Variants in ZNF91 observed in about 807,000 individuals in gnomAD.
The protein encoded by ZNF91 is zinc finger protein 91.
In ZNF91, 7 loss-of-function variants were observed where a neutral mutation model predicts 12.6. The observed-to-expected ratio is 0.55, with a 90% confidence interval of 0.31 to 1.04. ZNF91 has a LOEUF of 1.04. Ranked by LOEUF, ZNF91 falls within the 50% of genes least tolerant of loss-of-function variation. ZNF91 has a pLI of 0.05. For missense variants in ZNF91, 1,217 were observed against 1,385.4 expected (o/e 0.88, Z 1.93); for synonymous variants, 453 against 462.6 (o/e 0.98, Z 0.27).
At chr19:23,334,037 T>C (rs951661212), downstream of ZNF91, among the ~76,000 whole-genome samples, 1 of 152,228 alleles carries the variant, frequency 6.6e-6, no homozygotes, top group African/African-American at 2.4e-5. Flanking sequence ...AGTGGAGAAC[T>C]GGCAAGTGAA....
intron 1 of ZNF91, among the ~76,000 whole-genome samples, chr19:23,388,636 C>T (rs1969956379): frequency 6.6e-6 from 1 of 152,156 alleles, no homozygotes; most frequent in African/African-American, 2.4e-5. Context: ...CTTTGGGAGG[C>T]CAAGGCAGGC....
Position 23,360,553 on chromosome 19 carries a change from C to A in ZNF91, c.2426G>T (p.Arg809Leu), listed in dbSNP as rs755372276. 1 of 1,605,734 alleles carries A rather than the reference C, an allele frequency of 6.2e-7. No individual in the cohort carries two copies. The highest frequency in any genetic ancestry group is 8.5e-7 in the Non-Finnish European group (1 of 1,176,664). The change falls in exon 4 of 4, where the codon CGT becomes CTT. Residue 809 changes from arginine to leucine, a missense_variant. By Grantham distance (102) the Arg-to-Leu change is moderately radical (BLOSUM62 -2). This residue lies in a region of ZNF91 where 491 missense variants were observed against 489.8 expected (regional missense o/e 1.00). Coordinates refer to ENST00000300619, the MANE Select transcript of ZNF91 (RefSeq NM_003430.4). The stretch of plus-strand genomic sequence containing the variant: ...CTTATGCTTAGTAAGGGTTGAGGAA[C>A]GGCTAAAAGCTTTGCCACATTCTTC... ...KCEECGKAFS[R>L]SSTLTKHKTI...
At chr19:23,369,125 C>T (rs1379669930) in intron 3 of ZNF91, among the ~76,000 whole-genome samples, 3 of 152,210 alleles carry the variant, frequency 2.0e-5, no homozygotes, top group Middle Eastern at 3.4e-3. Context: ...GCCTGCTAAA[C>T]GTGGTGAAAC....
At chr19:23,332,722 A>G (rs949472197) in intron 1 of ZNF91, among the ~76,000 whole-genome samples, 9 of 152,224 alleles carry the variant, frequency 5.9e-5, no homozygotes, top group African/African-American at 1.2e-4. Flanking sequence ...ATTTGACGAC[A>G]TAAGTGGGAC....
At chr19:23,311,728 A>G (rs548804584), upstream of ZNF91, among the ~76,000 whole-genome samples, 54 of 152,104 alleles carry the variant, frequency 3.6e-4, no homozygotes, top group South Asian at 0.011. Context: ...AGCAGGTGAT[A>G]TAACTCTCTT....
intron 1 of ZNF91, among the ~76,000 whole-genome samples, chr19:23,384,340 T>A (rs1434417644): frequency 6.6e-6 from 1 of 152,018 alleles, no homozygotes; most frequent in African/African-American, 2.4e-5. Context: ...GGCAGTGCAC[T>A]CAGGTGGCCT....
At position 23,361,203 on chromosome 19, in the gene ZNF91, A is replaced by G. The variant is rs1821778065; in HGVS notation, c.1776T>C (p.His592=). The G allele has an allele frequency of 6.2e-7, 1 of 1,613,508 alleles. No homozygotes were observed. Among genetic ancestry groups the G allele is most frequent in the Non-Finnish European group, 8.5e-7 (1 of 1,179,762 alleles). The change falls in exon 4 of 4, where the codon CAT becomes CAC. Residue 592 remains histidine (H), a synonymous_variant. Coordinates refer to ENST00000300619, the MANE Select transcript of ZNF91 (RefSeq NM_003430.4). ...AFNHSSSLST[H]KIIHTGEKSY... ...ACTTCTCTCCAGTATGAATTATCTT[A>G]TGTGTAGAAAGACTTGAGGAATGAT...
rs1183812846 is a variant in ZNF91 at position 23,358,547 on chromosome 19, C to G, written c.*856G>C. The G allele has an allele frequency of 6.6e-6, 1 of 152,216 alleles. No individual in the cohort carries two copies. The highest frequency in any genetic ancestry group is 1.5e-5 in the Non-Finnish European group (1 of 68,052). 9.4% of individuals were successfully genotyped at this position (152,216 alleles called of 1,614,324 possible). A position where few individuals can be genotyped will look rare whatever the true frequency, so the allele number is the denominator to read the frequency against. On this transcript the variant is annotated 3_prime_UTR_variant, in exon 4 of 4. Coordinates refer to ENST00000300619, the MANE Select transcript of ZNF91 (RefSeq NM_003430.4). ...CAGTCGTTTGACAGTAATTACACTTCTTATTTAGTATGAACGCTCTGAATT... is the reference window on the plus strand; with the variant it reads ...CAGTCGTTTGACAGTAATTACACTTGTTATTTAGTATGAACGCTCTGAATT...
At chr19:23,332,216 A>G (rs1232337602) in intron 1 of ZNF91, among the ~76,000 whole-genome samples, 2 of 152,194 alleles carry the variant, frequency 1.3e-5, no homozygotes, top group Non-Finnish European at 2.9e-5. Flanking sequence ...AATAATCAAA[A>G]GTTGAACTTT....
At chr19:23,378,021 G>A (rs1034305274) in intron 1 of ZNF91, among the ~76,000 whole-genome samples, 2 of 152,168 alleles carry the variant, frequency 1.3e-5, no homozygotes, top group Non-Finnish European at 2.9e-5. Flanking sequence ...GAGGGATACA[G>A]ATAGAGTGTA....
chr19:23,344,187 C>T (rs1008808981), intron 3 of ZNF91, among the ~76,000 whole-genome samples: 3 of 152,088 alleles, frequency 2.0e-5, no homozygotes, highest in African/African-American at 2.4e-5. Flanking sequence ...CTCCACCTCT[C>T]GGGTTCACGC....
chr19:23,355,342 A>G (rs295372), downstream of ZNF91, among the ~76,000 whole-genome samples: 16,378 of 152,140 alleles, frequency 0.11, 1,367 homozygotes, highest in East Asian at 0.37. Flanking sequence ...GCAAACAAAA[A>G]CATAAAGTGG....
chr19:23,308,936 G>A (rs1404352189), exon 2 of ZNF91: 2 of 152,176 alleles, frequency 1.3e-5, no homozygotes. Flanking sequence ...AAGTAATGGT[G>A]ACTCTCCTCT....
At chr19:23,347,106 T>TA (rs1463240981) in intron 3 of ZNF91, among the ~76,000 whole-genome samples, 2 of 150,402 alleles carry the variant, frequency 1.3e-5, no homozygotes, top group Non-Finnish European at 2.9e-5. Flanking sequence ...GGCTATGCTA[T>TA]AGTGTCACCC....
At chr19:23,380,542 T>C (rs1969674872) in intron 1 of ZNF91, 1 of 151,902 alleles carries the variant, frequency 6.6e-6, no homozygotes, top group Non-Finnish European at 1.5e-5. Context: ...CTAAAACAGA[T>C]ACACAAAGCA....
intron 1 of ZNF91, chr19:23,328,330 A>G (rs1248783822): frequency 6.6e-6 from 1 of 152,186 alleles, no homozygotes; most frequent in Non-Finnish European, 1.5e-5. Flanking sequence ...ATGCAGGTCA[A>G]GGAAGGCATC....
At chr19:23,321,418 TG>T (rs1264838706) in intron 1 of ZNF91, among the ~76,000 whole-genome samples, 1 of 152,162 alleles carries the variant, frequency 6.6e-6, no homozygotes, top group Non-Finnish European at 1.5e-5. Context: ...CTCTTCTGCC[TG>T]GGCCCAGCCT....
chr19:23,324,617 T>C (rs1415111228), intron 1 of ZNF91: 1 of 151,840 alleles, frequency 6.6e-6, no homozygotes, highest in African/African-American at 2.4e-5. Context: ...TGAGAAATAA[T>C]CTTGCTCTGT....
chr19:23,353,986 A>G (rs111422426), downstream of ZNF91, among the ~76,000 whole-genome samples: 6,614 of 152,256 alleles, frequency 0.043, 204 homozygotes, highest in Non-Finnish European at 0.071. Flanking sequence ...CCAGGACCAG[A>G]TGGATTCACA....
Sources: allele counts gnomAD v4.1 joint callset (sites outside exome capture counted in the v4.1 genomes callset), GRCh38; gene constraint gnomAD v4.1.1; regional missense constraint gnomAD v4.1.1; transcripts MANE v1.5; gene names NCBI Gene and HGNC (gene_info 2026-07-23, HGNC 2026-07-21).